The following PLCG2 variants were observed in gnomAD, a reference collection of about 807,000 sequenced individuals.
PLCG2 encodes 1-phosphatidylinositol 4,5-bisphosphate phosphodiesterase gamma-2.
Under a neutral mutation model 175.6 loss-of-function variants are expected in PLCG2, and 69 were observed. The ratio of observed to expected loss-of-function variants is 0.39; its 90% CI spans 0.32 to 0.48. The LOEUF is 0.48. Among genes scored for constraint, PLCG2 ranks in the 20% least tolerant of loss-of-function variants. The pLI is 0.91. For synonymous variants in PLCG2, 827 were observed against 624.0 expected, an observed-to-expected ratio of 1.33 and a Z score of -4.85; for missense variants, 1,798 against 1,650.9, an observed-to-expected ratio of 1.09 and a Z score of -1.54.
At chr16:81,800,463 G>A (rs913450125) in intron 2 of PLCG2, among the ~76,000 whole-genome samples, 1 of 152,176 alleles carries the variant, frequency 6.6e-6, no homozygotes, top group Non-Finnish European at 1.5e-5. Context: ...AGAACATGCA[G>A]TGTTTGGTTT....
In PLCG2 at chr16:81,865,282, G is replaced by A. The variant is rs543404897; in HGVS notation, c.480-3932G>A. On this transcript the variant is annotated intron_variant, in intron 5 of 32. Transcript: ENST00000564138. ...TTGCAGAGAGGGGTGAAGCTGAGCC[G>A]TTGGCTTCCTCCCCTGCAGCGATGG... Among the ~76,000 whole-genome samples, 155 of 152,256 alleles carry A rather than the reference G, an allele frequency of 1.0e-3. 1 individual carries two copies. The highest frequency in any genetic ancestry group is 1.1e-3 in the Non-Finnish European group (74 of 67,992).
At chr16:81,784,655 C>A (rs937906519) in intron 1 of PLCG2, among the ~76,000 whole-genome samples, 1 of 152,198 alleles carries the variant, frequency 6.6e-6, no homozygotes. Context: ...ATAGCTTAAT[C>A]TAAGGAGTGC....
intron 2 of PLCG2, among the ~76,000 whole-genome samples, chr16:81,854,011 A>T (rs1906554825): frequency 6.6e-6 from 1 of 152,148 alleles, no homozygotes; most frequent in Non-Finnish European, 1.5e-5. Flanking sequence ...ACTCAAGGGA[A>T]AAGGTCATCA....
intron 19 of PLCG2, among the ~76,000 whole-genome samples, chr16:81,914,811 A>G (rs1360360261): frequency 6.6e-6 from 1 of 152,084 alleles, no homozygotes; most frequent in Non-Finnish European, 1.5e-5. Context: ...GGCTCAGTGA[A>G]TCAATCAGCA....
At chr16:81,829,102 G>C (rs966808997) in intron 2 of PLCG2, among the ~76,000 whole-genome samples, 2 of 151,988 alleles carry the variant, frequency 1.3e-5, no homozygotes, top group African/African-American at 4.8e-5. Flanking sequence ...GTAGTTAGTA[G>C]TTTTTATTTT....
chr16:81,769,631 A>C (rs1411752883), intron 2 of PLCG2, among the ~76,000 whole-genome samples: 3 of 151,814 alleles, frequency 2.0e-5, no homozygotes, highest in Non-Finnish European at 2.9e-5. Context: ...CGGCTAAAAA[A>C]ACGGTGAAAC....
chr16:81,935,986 C>T (rs1468516911), intron 26 of PLCG2, 183 bp from the exon 27 acceptor site: 2 of 984,812 alleles, frequency 2.0e-6, no homozygotes, highest in Non-Finnish European at 2.4e-6. Context: ...ATACTTGGAA[C>T]CCCCAGAGGG....
chr16:81,882,575 C>A (rs1303119679), intron 8 of PLCG2, among the ~76,000 whole-genome samples: 1 of 152,138 alleles, frequency 6.6e-6, no homozygotes, highest in Non-Finnish European at 1.5e-5. Flanking sequence ...CACTCACATC[C>A]CTGTGTTCCC....
chr16:81,912,851 A>C (rs1229727348), intron 19 of PLCG2, 135 bp downstream of exon 19: 14 of 1,120,368 alleles, frequency 1.2e-5, no homozygotes, highest in Non-Finnish European at 1.7e-5. Flanking sequence ...AACAACAACC[A>C]CCACAGCAAA....
intron 28 of PLCG2, 197 bp from the exon 29 acceptor site, chr16:81,938,604 T>C (rs1910812552): frequency 5.2e-6 from 3 of 578,528 alleles, no homozygotes; most frequent in Admixed American, 3.1e-5. Flanking sequence ...CCCAGGCTGA[T>C]GCTGAGGAAC....
chr16:81,875,667 G>T (rs1193128147), intron 7 of PLCG2, among the ~76,000 whole-genome samples: 1 of 152,088 alleles, frequency 6.6e-6, no homozygotes, highest in Non-Finnish European at 1.5e-5. Context: ...TTAATACCTG[G>T]CTACGTGACT....
chr16:81,814,905 A>T (rs1478896562), intron 2 of PLCG2, among the ~76,000 whole-genome samples: 1 of 152,124 alleles, frequency 6.6e-6, no homozygotes, highest in East Asian at 1.9e-4. Flanking sequence ...GCCAATACAC[A>T]TTAGGTTTGT....
At chr16:81,850,850 G>C (rs993629440) in intron 2 of PLCG2, among the ~76,000 whole-genome samples, 1 of 152,200 alleles carries the variant, frequency 6.6e-6, no homozygotes, top group Non-Finnish European at 1.5e-5. Context: ...TCATTCTTCA[G>C]ATCTCCTGCA....
chr16:81,936,146 A>G, intron 26 of PLCG2, 23 bp from the exon 27 acceptor site: 1 of 1,612,956 alleles, frequency 6.2e-7, no homozygotes, highest in Non-Finnish European at 8.5e-7. Flanking sequence ...AGAAGTACTG[A>G]TGACCTTTTT....
intron 2 of PLCG2, among the ~76,000 whole-genome samples, chr16:81,825,937 A>G (rs771919636): frequency 2.8e-4 from 42 of 152,302 alleles, no homozygotes; most frequent in African/African-American, 3.8e-4. Context: ...TAGAAATCAG[A>G]TGGCATTGGA....
intron 9 of PLCG2, among the ~76,000 whole-genome samples, chr16:81,883,847 T>G (rs956839695): frequency 3.3e-5 from 5 of 152,232 alleles, no homozygotes; most frequent in African/African-American, 9.6e-5. Flanking sequence ...CTGTGGGCTC[T>G]GAGCCCAGCT....
At chr16:81,884,851 A>G (rs564754148) in intron 9 of PLCG2, among the ~76,000 whole-genome samples, 1 of 152,278 alleles carries the variant, frequency 6.6e-6, no homozygotes, top group South Asian at 2.1e-4. Flanking sequence ...ACCACCACGT[A>G]TCATCACTCA....
chr16:81,741,358 T>A (rs559903617), intron 1 of PLCG2, among the ~76,000 whole-genome samples: 2 of 152,352 alleles, frequency 1.3e-5, no homozygotes, highest in South Asian at 2.1e-4. Flanking sequence ...TCGCTTCTAT[T>A]TGAACCCAGT....
In PLCG2 at chr16:81,910,780, A is replaced by AGAAGCTG. The variant is rs947423791; in HGVS notation, c.1934+62_1934+68dup. On this transcript the variant is annotated intron_variant, in intron 18 of 32. Transcript: ENST00000564138. ...TGGTCGGGTTAGCTCCACCAGGCAG[A>AGAAGCTG]GAAGCTGGCCTGGTGGTTCAGCCGG... The AGAAGCTG allele has an allele frequency of 6.7e-6, 10 of 1,491,210 alleles. No individual in the cohort carries two copies. In the Admixed American group the frequency reaches 1.7e-4, roughly 25 times the overall value. The allele number at this position is 1,491,210 out of a possible 1,614,324, so 92.4% of individuals were successfully genotyped here.
Sources: gnomAD v4.1 joint callset for allele counts (sites outside exome capture counted in the v4.1 genomes callset) on GRCh38, gnomAD v4.1.1 for gene constraint, MANE v1.5 for transcripts, NCBI Gene and HGNC (gene_info 2026-07-23, HGNC 2026-07-21) for gene names.